Variants in BMP1 observed in about 807,000 individuals in gnomAD.
The protein encoded by BMP1 is mammalian tolloid protein.
A neutral mutation model predicts 116.8 loss-of-function variants in BMP1; 63 were observed. That is an observed-to-expected ratio of 0.54 (90% CI 0.44 to 0.67). The LOEUF (loss-of-function observed/expected upper bound fraction) is 0.67, where lower values mean the gene tolerates loss of function less well. Ranked by LOEUF, BMP1 falls within the 30% of genes least tolerant of loss-of-function variation. BMP1 has a pLI of 0.00. For synonymous variants in BMP1, 536 were observed against 533.4 expected, an observed-to-expected ratio of 1.00 and a Z score of -0.07; for missense variants, 1,183 against 1,358.9, an observed-to-expected ratio of 0.87 and a Z score of 2.04.
chr8:22,189,274 G>T (rs774505749), intron 8 of BMP1, among the ~76,000 whole-genome samples: 1 of 151,892 alleles, frequency 6.6e-6, no homozygotes, highest in African/African-American at 2.4e-5. Context: ...GTATGCACAC[G>T]TATATGGTCT....
At chr8:22,183,091 C>T (rs905952614) in intron 8 of BMP1, among the ~76,000 whole-genome samples, 1 of 152,088 alleles carries the variant, frequency 6.6e-6, no homozygotes, top group Non-Finnish European at 1.5e-5. Flanking sequence ...TAAAAGTGAA[C>T]CCATTCTTCC....
chr8:22,192,813 C>G (rs915537983), intron 9 of BMP1, among the ~76,000 whole-genome samples: 1 of 152,106 alleles, frequency 6.6e-6, no homozygotes, highest in African/African-American at 2.4e-5. Flanking sequence ...TGCAGCAAGC[C>G]CGAGGAGCCG....
intron 8 of BMP1, among the ~76,000 whole-genome samples, chr8:22,189,447 C>CACACAT (rs1205606176): frequency 6.8e-6 from 1 of 147,384 alleles, no homozygotes; most frequent in Non-Finnish European, 1.5e-5. Context: ...CACACACACA[C>CACACAT]ACACACACAC....
chr8:22,185,181 G>T (rs1417682525), intron 8 of BMP1, among the ~76,000 whole-genome samples: 1 of 152,194 alleles, frequency 6.6e-6, no homozygotes, highest in African/African-American at 2.4e-5. Flanking sequence ...GCCGGGTGCG[G>T]TGACTCATGC....
intron 8 of BMP1, among the ~76,000 whole-genome samples, chr8:22,191,014 C>T (rs532434420): frequency 5.5e-4 from 84 of 152,238 alleles, no homozygotes; most frequent in Middle Eastern, 6.8e-3. Flanking sequence ...GGTTTCCCCC[C>T]GGAAGTGGAG....
At chr8:22,206,358 C>T (rs1829354661) in intron 16 of BMP1, among the ~76,000 whole-genome samples, 1 of 152,008 alleles carries the variant, frequency 6.6e-6, no homozygotes, top group Non-Finnish European at 1.5e-5. Flanking sequence ...AAAAATTAGC[C>T]AGAGATGGTG....
chr8:22,189,939 G>A (rs908833225), intron 8 of BMP1, among the ~76,000 whole-genome samples: 1 of 151,042 alleles, frequency 6.6e-6, no homozygotes, highest in African/African-American at 2.4e-5. Flanking sequence ...TATTTTTTTC[G>A]AGACAGAGTC....
At chr8:22,207,109 G>A in intron 17 of BMP1, 128 bp downstream of exon 17, 2 of 1,463,302 alleles carry the variant, frequency 1.4e-6, no homozygotes, top group African/African-American at 1.4e-5. Flanking sequence ...AGTCTGGCCT[G>A]GACAGAGGCC....
In BMP1 at chr8:22,197,285, G is replaced by A; in HGVS notation, c.1972G>A (p.Asp658Asn). 1.9e-6 allele frequency: 3 copies of A among 1,613,932 alleles called. No homozygotes were observed. The highest frequency in any genetic ancestry group is 2.5e-6 in the Non-Finnish European group (3 of 1,179,812). ...GGAGGTGCGCAGTGGACTCACAGCT[G>A]ACTCCAAGCTGCATGGCAAGTTCTG... ...FVEVRSGLTA[D>N]SKLHGKFCGS... The change falls in exon 15 of 20, where the codon GAC becomes AAC. Residue 658 changes from aspartate to asparagine, a missense_variant. Asp to Asn is a conservative substitution (Grantham distance 23, BLOSUM62 1). Around this residue, in one of 4 missense-constraint regions of BMP1, gnomAD observed 956 missense variants for 1,135.2 expected, o/e 0.84. Transcript: ENST00000306385.
chr8:22,206,814 G>A (rs1218100674), intron 16 of BMP1, 40 bp from the exon 17 acceptor site: 1 of 1,612,924 alleles, frequency 6.2e-7, no homozygotes, highest in African/African-American at 1.3e-5. Context: ...CGGAGCTTGG[G>A]GTCCCTCTCT....
rs1426955224 is a variant in BMP1, at chr8:22,195,654, T to TC, written c.1765+67_1765+68insC. ...GCACCAGCCCACCTGCCCAGAATTT[T>TC]TTTTTTTTTTAGACAGGCTTTTGCT... On this transcript the variant is annotated intron_variant, in intron 13 of 19. Coordinates refer to ENST00000306385, the MANE Select transcript of BMP1 (RefSeq NM_006129.5). 1.9e-6 allele frequency: 3 copies of TC among 1,564,666 alleles called. No homozygotes were observed. The East Asian group carries it at 6.9e-5, about 36-fold the overall frequency.
At position 22,194,879 on chromosome 8, in the gene BMP1, G is replaced by A; in HGVS notation, c.1599G>A (p.Gly533=). The A allele has an allele frequency of 6.2e-7, 1 of 1,612,726 alleles. No individual in the cohort carries two copies. The highest frequency in any genetic ancestry group is 1.1e-5 in the South Asian group (1 of 90,810). ...SRLWLKFVSD[G]SINKAGFAVN... ...TCTGGCTCAAGTTCGTCTCTGACGGGTCCATTAACAAAGCGGGCTTTGCCG... is the reference window on the plus strand; with the variant it reads ...TCTGGCTCAAGTTCGTCTCTGACGGATCCATTAACAAAGCGGGCTTTGCCG... The change falls in exon 12 of 20, where the codon GGG becomes GGA. Residue 533 remains glycine (G), a synonymous_variant. Transcript: ENST00000306385. This position sits in a 1 kb window ranked among gnomAD's most constrained non-coding sequence, Gnocchi z 4.5.
In BMP1 at chr8:22,209,657, A is replaced by G. The variant is rs771788477; in HGVS notation, c.2788A>G (p.Ser930Gly). 2.5e-6 allele frequency: 4 copies of G among 1,614,046 alleles called. No homozygotes were observed. In the South Asian group the frequency reaches 4.4e-5, roughly 18 times the overall value. ...CATGGAGCTCTTCGACGGCTACGAC[A>G]GCACAGCCCCCAGGCTGGGGCGCTA... Reference protein sequence around the residue: ...DYMELFDGYDSTAPRLGRYCG... With the variant: ...DYMELFDGYDGTAPRLGRYCG... Residue 930 changes from serine (S) to glycine (G), a missense_variant, in exon 19 of 20, where the codon AGC (serine) becomes GGC (glycine). Physicochemically the swap from Ser to Gly is moderately conservative, Grantham distance 56 (BLOSUM62 0). Coordinates refer to ENST00000306385, the MANE Select transcript of BMP1 (RefSeq NM_006129.5).
chr8:22,197,327 G>A lies in BMP1; in HGVS notation c.2014G>A (p.Glu672Lys), dbSNP rs145735409. 16 of 1,613,914 alleles carry A rather than the reference G, an allele frequency of 9.9e-6. No individual in the cohort carries two copies. In the African/African-American group the frequency reaches 1.3e-4, roughly 13 times the overall value. The change falls in exon 15 of 20, where the codon GAG (glutamate) becomes AAG (lysine). Residue 672 changes from glutamate (E) to lysine (K), a missense_variant. Around this residue, in one of 4 missense-constraint regions of BMP1, gnomAD observed 956 missense variants for 1,135.2 expected, o/e 0.84. Transcript: ENST00000306385. Reference sequence around the variant, plus strand: ...CAAGTTCTGTGGTTCTGAGAAGCCCGAGGTCATCACCTCCCAGTACAACAA... The same window carrying A: ...CAAGTTCTGTGGTTCTGAGAAGCCCAAGGTCATCACCTCCCAGTACAACAA... The part of the protein sequence containing the change: ...HGKFCGSEKP[E>K]VITSQYNNMR...
At position 22,195,574 on chromosome 8, in the gene BMP1, G is replaced by A. The variant is rs1386490258; in HGVS notation, c.1752G>A (p.Lys584=). 6.2e-7 allele frequency: 1 copy of A among 1,612,240 alleles called. No homozygotes were observed. Among genetic ancestry groups the A allele is most frequent in the South Asian group, 1.1e-5 (1 of 90,988 alleles). ...CCGGGTACGAGCTGGCCCCAGACAA[G>A]CGCCGCTGTGAGGGTGAGTGCCCCC... ...CDPGYELAPD[K]RRCEAACGGF... The change falls in exon 13 of 20, where the codon AAG becomes AAA. Residue 584 remains lysine (K), a synonymous_variant. Transcript: ENST00000306385.
chr8:22,207,419 G>A lies in BMP1; in HGVS notation c.2478G>A (p.Lys826=). The A allele has an allele frequency of 6.2e-7, 1 of 1,614,108 alleles. No individual in the cohort carries two copies. Residue 826 remains lysine, a synonymous_variant, in exon 18 of 20, where the codon AAG becomes AAA. Transcript: ENST00000306385. ...TCGGCCGCTTCTGTGGGAGCAAGAA[G>A]CCCGAGCCCGTCCTGGCCACAGGCA... ...PVLGRFCGSK[K]PEPVLATGSR... is the part of the protein sequence containing the mutation.
At chr8:22,167,149 T>G (rs541167832) in intron 1 of BMP1, among the ~76,000 whole-genome samples, 1 of 152,286 alleles carries the variant, frequency 6.6e-6, no homozygotes, top group Admixed American at 6.5e-5. Flanking sequence ...TGTCACTTCA[T>G]TTTTTTGAGA....
intron 8 of BMP1, among the ~76,000 whole-genome samples, chr8:22,188,177 G>GTTTTTT (rs759296888): frequency 1.6e-5 from 2 of 124,604 alleles, no homozygotes; most frequent in African/African-American, 3.3e-5. Flanking sequence ...CCAGTTTTGG[G>GTTTTTT]TTTTTTTTTT....
intron 19 of BMP1, among the ~76,000 whole-genome samples, chr8:22,210,315 C>A (rs973235059): frequency 4.0e-5 from 6 of 151,080 alleles, no homozygotes; most frequent in Admixed American, 6.6e-5. Context: ...GGGCTAGCCT[C>A]GTGGGGAGGA....
Sources: allele counts gnomAD v4.1 joint callset (sites outside exome capture counted in the v4.1 genomes callset), GRCh38; gene constraint gnomAD v4.1.1; regional missense constraint gnomAD v4.1.1; non-coding constraint Gnocchi (gnomAD v3.1); transcripts MANE v1.5; gene names NCBI Gene and HGNC (gene_info 2026-07-23, HGNC 2026-07-21).